The following SFSWAP variants were observed in gnomAD, a reference collection of about 807,000 sequenced individuals.
The protein encoded by SFSWAP is splicing factor, suppressor of white-apricot homolog.
SFSWAP carries 17 observed loss-of-function variants against 100.7 expected under a neutral mutation model. The ratio of observed to expected loss-of-function variants is 0.17; its 90% CI spans 0.12 to 0.25. The LOEUF is 0.25. SFSWAP is among the 10% of genes least tolerant of loss of function. The probability of loss-of-function intolerance (pLI) is 1.00; values close to 1 mark genes in which losing one functional copy is unlikely to be tolerated. For missense variants in SFSWAP, 1,005 were observed against 1,262.6 expected (o/e 0.80, Z 3.09); for synonymous variants, 504 against 510.1 (o/e 0.99, Z 0.16).
rs997336231 is a variant in SFSWAP at position 131,730,845 on chromosome 12, T to G, written c.1081+2417T>G. Among the ~76,000 whole-genome samples, 1 of 152,198 alleles carries G rather than the reference T, an allele frequency of 6.6e-6. No homozygotes were observed. Among genetic ancestry groups the G allele is most frequent in the African/African-American group, 2.4e-5 (1 of 41,450 alleles). Reference sequence around the variant, plus strand: ...TCTCCTCCCCTCAATACGGTGCCGTTGTTTTGAAACTCATCGTCTCCCCTC... The same window carrying G: ...TCTCCTCCCCTCAATACGGTGCCGTGGTTTTGAAACTCATCGTCTCCCCTC... On this transcript the variant is annotated intron_variant, in intron 7 of 17. Transcript: ENST00000261674. This position sits in a 1 kb window ranked among gnomAD's most constrained non-coding sequence, Gnocchi z 4.0.
chr12:131,786,900 G>A (rs1884936743), intron 15 of SFSWAP, among the ~76,000 whole-genome samples: 1 of 152,176 alleles, frequency 6.6e-6, no homozygotes, highest in Admixed American at 6.5e-5. Context: ...CTACCTGCTG[G>A]TGGAGAGGAC....
intron 15 of SFSWAP, chr12:131,796,449 G>A (rs1885682724): frequency 1.3e-5 from 2 of 152,630 alleles, no homozygotes; most frequent in Non-Finnish European, 2.9e-5. Flanking sequence ...CCAGTTTGGT[G>A]ACGTGGACTC....
At chr12:131,739,735 G>C (rs12314207) in intron 7 of SFSWAP, among the ~76,000 whole-genome samples, 24,863 of 151,592 alleles carry the variant, frequency 0.16, 2,344 homozygotes, top group South Asian at 0.28. Context: ...TTAGTAGACA[G>C]GGTTTCACTG....
At position 131,730,495 on chromosome 12, in the gene SFSWAP, G is replaced by A. The variant is rs191599022; in HGVS notation, c.1081+2067G>A. On this transcript the variant is annotated intron_variant, in intron 7 of 17. Coordinates refer to ENST00000261674, the MANE Select transcript of SFSWAP (RefSeq NM_004592.4). The surrounding 1 kb of genome is among the most constrained non-coding windows in gnomAD (Gnocchi z 4.0). ...CAGGACCAGGCAGGATGGTGGAGCC[G>A]GCTGGTAGTGGCCGTTCTGTGACAC... 1.4e-4 allele frequency among the ~76,000 whole-genome samples: 22 copies of A among 152,328 alleles called. No homozygotes were observed. The highest frequency in any genetic ancestry group is 5.1e-4 in the African/African-American group (21 of 41,578).
chr12:131,755,281 T>A, intron 9 of SFSWAP, 105 bp from the exon 10 acceptor site: 1 of 777,250 alleles, frequency 1.3e-6, no homozygotes, highest in South Asian at 1.6e-5. Flanking sequence ...AGTAACCACC[T>A]TGTGGGATTG....
In SFSWAP at chr12:131,714,931, G is replaced by A; in HGVS notation, c.498G>A (p.Glu166=). 6.2e-7 allele frequency: 1 copy of A among 1,614,114 alleles called. No homozygotes were observed. The highest frequency in any genetic ancestry group is 8.5e-7 in the Non-Finnish European group (1 of 1,180,022). The change falls in exon 3 of 18, where the codon GAG becomes GAA. Residue 166 remains glutamate, a synonymous_variant. Transcript: ENST00000261674. This position sits in a 1 kb window ranked among gnomAD's most constrained non-coding sequence, Gnocchi z 6.0. ...ACGACCCGTCAGAGCCGACGGAGGA[G>A]GAGGAGCCTTCCAAACAGAGAGGTG... The part of the protein sequence containing the change: ...DYYDPSEPTE[E]EEPSKQREKN...
chr12:131,718,646 T>C (rs963511343), intron 3 of SFSWAP, among the ~76,000 whole-genome samples: 6 of 152,248 alleles, frequency 3.9e-5, no homozygotes, highest in Admixed American at 3.3e-4. Flanking sequence ...CCAGGTGGTT[T>C]ACAATTCAAA....
At chr12:131,742,418 T>C (rs537399389) in intron 7 of SFSWAP, among the ~76,000 whole-genome samples, 46 of 151,648 alleles carry the variant, frequency 3.0e-4, no homozygotes, top group African/African-American at 1.1e-3. Context: ...GAGACAGGCT[T>C]TTTTTTTTCT....
At chr12:131,789,147 AT>A (rs1291840227) in intron 15 of SFSWAP, among the ~76,000 whole-genome samples, 2 of 151,914 alleles carry the variant, frequency 1.3e-5, no homozygotes, top group Non-Finnish European at 2.9e-5. Context: ...TGCCCAGCTA[AT>A]TTTTTGTATT....
chr12:131,748,615 G>A (rs934606799), intron 7 of SFSWAP, among the ~76,000 whole-genome samples: 3 of 152,158 alleles, frequency 2.0e-5, no homozygotes, highest in Admixed American at 2.0e-4. Context: ...GCAGAGATAC[G>A]AGAGAACTGG....
chr12:131,785,120 G>A, intron 14 of SFSWAP: 2 of 1,535,702 alleles, frequency 1.3e-6, no homozygotes, highest in Non-Finnish European at 8.7e-7. Flanking sequence ...TGTCAGAGCA[G>A]CGCGTCAGTG....
rs749298764 is a variant in SFSWAP at position 131,725,354 on chromosome 12, C to A, written c.607-51C>A. 2 of 1,423,224 alleles carry A rather than the reference C, an allele frequency of 1.4e-6. No individual in the cohort carries two copies. Among genetic ancestry groups the A allele is most frequent in the East Asian group, 2.3e-5 (1 of 43,826 alleles). 88.2% of individuals were successfully genotyped at this position (1,423,224 alleles called of 1,614,324 possible). A position where few individuals can be genotyped will look rare whatever the true frequency, so the allele number is the denominator to read the frequency against. On this transcript the variant is annotated intron_variant, in intron 4 of 17. Transcript: ENST00000261674. The surrounding 1 kb of genome is among the most constrained non-coding windows in gnomAD (Gnocchi z 4.3). ...CTATGTTTTAATGAAATCACGTGGC[C>A]GGTGGACAAGAGGACAAATGGGTGA...
intron 3 of SFSWAP, among the ~76,000 whole-genome samples, chr12:131,715,461 C>G (rs7301281): frequency 0.17 from 26,426 of 152,212 alleles, 3,030 homozygotes; most frequent in Non-Finnish European, 0.25. Flanking sequence ...ATACTTACCA[C>G]AGTATTTTAA....
At position 131,754,405 on chromosome 12, in the gene SFSWAP, C is replaced by G; in HGVS notation, c.1360C>G (p.Pro454Ala). Residue 454 changes from proline (P) to alanine (A), a missense_variant, in exon 9 of 18, where the codon CCC (proline) becomes GCC (alanine). This residue lies in a region of SFSWAP where 311 missense variants were observed against 317.8 expected (regional missense o/e 0.98). Coordinates refer to ENST00000261674, the MANE Select transcript of SFSWAP (RefSeq NM_004592.4). ...CGTGGCCGCCATCATCCCCCCGCCCCCCGACGTCCAGCCCGTGATTGACAA... is the reference window on the plus strand; with the variant it reads ...CGTGGCCGCCATCATCCCCCCGCCCGCCGACGTCCAGCCCGTGATTGACAA... The part of the protein sequence containing the change: ...APVAAIIPPP[P>A]DVQPVIDKLA... 6.3e-7 allele frequency: 1 copy of G among 1,598,790 alleles called. No homozygotes were observed.
At chr12:131,717,875 C>T (rs969895338) in intron 3 of SFSWAP, among the ~76,000 whole-genome samples, 8 of 152,148 alleles carry the variant, frequency 5.3e-5, no homozygotes, top group Admixed American at 2.0e-4. Context: ...GGATTACAGG[C>T]GCCCGCCACC....
chr12:131,753,406 GCACTGCAGT>G (rs1212962631), intron 8 of SFSWAP, 43 bp downstream of exon 8: 1 of 1,576,872 alleles, frequency 6.3e-7, no homozygotes, highest in African/African-American at 1.3e-5. Context: ...GAGTCACTCA[GCACTGCAGT>G]CACTGGGGCC....
chr12:131,714,016 G>A lies in SFSWAP; in HGVS notation c.219-55G>A, dbSNP rs57176587. 2.9e-3 allele frequency: 3,939 copies of A among 1,347,056 alleles called. 80 individuals are homozygous for A. The African/African-American group carries it at 0.046, about 16-fold the overall frequency. The allele number at this position is 1,347,056 out of a possible 1,614,324, so 83.4% of individuals were successfully genotyped here. A position where few individuals can be genotyped will look rare whatever the true frequency, so the allele number is the denominator to read the frequency against. ...TATACATATATAAAACATCACACACGCACACCAGTCTAGACGTTAATTTCC... is the reference window on the plus strand; with the variant it reads ...TATACATATATAAAACATCACACACACACACCAGTCTAGACGTTAATTTCC... On this transcript the variant is annotated intron_variant, in intron 1 of 17. Transcript: ENST00000261674. The surrounding 1 kb of genome is among the most constrained non-coding windows in gnomAD (Gnocchi z 6.0).
intron 7 of SFSWAP, among the ~76,000 whole-genome samples, chr12:131,744,177 C>T (rs139560555): frequency 0.012 from 1,852 of 152,332 alleles, 12 homozygotes; most frequent in Non-Finnish European, 0.019. Flanking sequence ...GATTCACATT[C>T]GGCTCCTGGT....
At chr12:131,756,681 A>G in intron 11 of SFSWAP, 37 bp downstream of exon 11, 1 of 1,527,590 alleles carries the variant, frequency 6.5e-7, no homozygotes, top group African/African-American at 1.4e-5. Flanking sequence ...TGCACATTCC[A>G]CCATAAGTTG....
Sources: allele counts gnomAD v4.1 joint callset (sites outside exome capture counted in the v4.1 genomes callset), GRCh38; gene constraint gnomAD v4.1.1; regional missense constraint gnomAD v4.1.1; non-coding constraint Gnocchi (gnomAD v3.1); transcripts MANE v1.5; gene names NCBI Gene and HGNC (gene_info 2026-07-23, HGNC 2026-07-21).